The following EPB41L2 variants were observed in gnomAD, a reference collection of about 807,000 sequenced individuals.
EPB41L2 encodes the protein erythrocyte membrane protein band 4.1 like 2, also known as band 4.1-like protein 2.
A neutral mutation model predicts 113.0 loss-of-function variants in EPB41L2; 43 were observed. That is an observed-to-expected ratio of 0.38 (90% CI 0.30 to 0.49). The LOEUF (loss-of-function observed/expected upper bound fraction) is 0.49, where lower values mean the gene tolerates loss of function less well. Ranked by LOEUF, EPB41L2 falls within the 20% of genes least tolerant of loss-of-function variation. The probability of loss-of-function intolerance (pLI) is 0.95; values close to 1 mark genes in which losing one functional copy is unlikely to be tolerated. For synonymous variants in EPB41L2, 442 were observed against 436.7 expected (o/e 1.01, Z -0.15); for missense variants, 1,147 against 1,223.4 (o/e 0.94, Z 0.93).
At chr6:130,981,478 C>A (rs781155194) in intron 1 of EPB41L2, among the ~76,000 whole-genome samples, 1 of 152,184 alleles carries the variant, frequency 6.6e-6, no homozygotes, top group East Asian at 1.9e-4. Context: ...ACCACCATCA[C>A]CACCAGAACT....
chr6:130,901,703 T>G lies in EPB41L2; in HGVS notation c.930-523A>C, dbSNP rs188901793. Among the ~76,000 whole-genome samples the G allele has an allele frequency of 2.4e-3, 365 of 152,296 alleles. 2 individuals are homozygous for G. Among genetic ancestry groups the G allele is most frequent in the African/African-American group, 7.6e-3 (315 of 41,552 alleles). ...TACCCCATTTAAAGCAGTAGCTAGC[T>G]CAGTTTAGCAGAAAAGGCCTGGGCT... On this transcript the variant is annotated intron_variant, in intron 6 of 19. Coordinates refer to ENST00000337057, the MANE Select transcript of EPB41L2 (RefSeq NM_001431.4).
intron 1 of EPB41L2, 110 bp from the exon 2 acceptor site, chr6:130,956,609 G>T: frequency 1.1e-6 from 1 of 951,008 alleles, no homozygotes; most frequent in Non-Finnish European, 1.5e-6. Context: ...ACAGATGACA[G>T]GGAGAAAGCA....
At chr6:130,848,806 A>C (rs1204798431) in intron 19 of EPB41L2, among the ~76,000 whole-genome samples, 1 of 152,212 alleles carries the variant, frequency 6.6e-6, no homozygotes, top group East Asian at 1.9e-4. Flanking sequence ...CAAAATTTAC[A>C]TGTTTAAACA....
chr6:130,858,268 GC>G, intron 18 of EPB41L2, 25 bp from the exon 19 acceptor site: 2 of 1,586,008 alleles, frequency 1.3e-6, no homozygotes, highest in Non-Finnish European at 1.7e-6. Context: ...ACAGAGAACG[GC>G]TGTGAGCTGG....
intron 1 of EPB41L2, among the ~76,000 whole-genome samples, chr6:130,967,486 T>C (rs1188437649): frequency 6.6e-6 from 1 of 152,176 alleles, no homozygotes; most frequent in Non-Finnish European, 1.5e-5. Flanking sequence ...AAAAGATTAT[T>C]CGTATTCTCT....
chr6:131,016,203 T>C (rs1056800285), intron 1 of EPB41L2, among the ~76,000 whole-genome samples: 4 of 152,200 alleles, frequency 2.6e-5, no homozygotes, highest in African/African-American at 9.7e-5. Flanking sequence ...TTCCATTCAG[T>C]TATTTTCTGT....
intron 14 of EPB41L2, among the ~76,000 whole-genome samples, chr6:130,875,498 A>C (rs1787224804): frequency 6.6e-6 from 1 of 152,066 alleles, no homozygotes; most frequent in Non-Finnish European, 1.5e-5. Flanking sequence ...TTGGTCTTTC[A>C]GTTCCTGTGT....
intron 1 of EPB41L2, among the ~76,000 whole-genome samples, chr6:130,989,790 G>C (rs1222020902): frequency 6.6e-6 from 1 of 152,194 alleles, no homozygotes; most frequent in African/African-American, 2.4e-5. Flanking sequence ...AGTGTCAGTG[G>C]AACGAAGTGG....
At chr6:130,906,805 A>G (rs1354597718) in intron 5 of EPB41L2, among the ~76,000 whole-genome samples, 1 of 152,172 alleles carries the variant, frequency 6.6e-6, no homozygotes. Context: ...TTTAATACAG[A>G]AAGAAAGAGG....
chr6:130,985,599 A>G (rs1325183804), intron 1 of EPB41L2, among the ~76,000 whole-genome samples: 13 of 152,208 alleles, frequency 8.5e-5, no homozygotes, highest in Admixed American at 8.5e-4. Context: ...CAGCTTGCAA[A>G]GTGACCAGGA....
At chr6:130,914,025 A>G (rs1800203337) in intron 4 of EPB41L2, among the ~76,000 whole-genome samples, 1 of 152,206 alleles carries the variant, frequency 6.6e-6, no homozygotes, top group Non-Finnish European at 1.5e-5. Context: ...CTGTGGCCAC[A>G]TATATAAACC....
chr6:130,880,540 A>T (rs1788995340), intron 12 of EPB41L2: 1 of 610,248 alleles, frequency 1.6e-6, no homozygotes, highest in Non-Finnish European at 2.9e-6. Flanking sequence ...ATTAGTGGAA[A>T]CTCTACCATC....
At chr6:130,928,864 C>T (rs112995164) in intron 3 of EPB41L2, among the ~76,000 whole-genome samples, 2,487 of 152,296 alleles carry the variant, frequency 0.016, 24 homozygotes, top group Non-Finnish European at 0.025. Flanking sequence ...GTAATAGCTA[C>T]CTCAGAGCTC....
chr6:130,982,199 G>A (rs1396117991), intron 1 of EPB41L2, among the ~76,000 whole-genome samples: 1 of 151,656 alleles, frequency 6.6e-6, no homozygotes, highest in Non-Finnish European at 1.5e-5. Flanking sequence ...ATTTTGTGAT[G>A]CTTTCAATAC....
At chr6:131,006,989 C>T (rs1785718791) in intron 1 of EPB41L2, among the ~76,000 whole-genome samples, 1 of 152,194 alleles carries the variant, frequency 6.6e-6, no homozygotes, top group African/African-American at 2.4e-5. Context: ...CTCCCTACCT[C>T]CAACACACTC....
At chr6:131,058,784 G>C (rs1798091697) in intron 1 of EPB41L2, among the ~76,000 whole-genome samples, 1 of 152,210 alleles carries the variant, frequency 6.6e-6, no homozygotes, top group Non-Finnish European at 1.5e-5. Context: ...GGGAGGCCAA[G>C]TCGGGTGGAT....
chr6:130,876,698 T>C (rs1787674863), intron 14 of EPB41L2: 1 of 1,304,138 alleles, frequency 7.7e-7, no homozygotes, highest in African/African-American at 1.5e-5. Flanking sequence ...GAGCTTTTTC[T>C]TCAACTGTCC....
At chr6:130,907,817 G>A (rs1270084036) in intron 5 of EPB41L2, among the ~76,000 whole-genome samples, 1 of 152,032 alleles carries the variant, frequency 6.6e-6, no homozygotes, top group African/African-American at 2.4e-5. Context: ...GGACAGATTG[G>A]TTTCAGTATT....
At chr6:131,045,176 C>A (rs1795173180) in intron 1 of EPB41L2, among the ~76,000 whole-genome samples, 1 of 152,000 alleles carries the variant, frequency 6.6e-6, no homozygotes, top group Admixed American at 6.6e-5. Flanking sequence ...TCCCAGTAAC[C>A]CTTCATGGAC....
Sources: allele counts gnomAD v4.1 joint callset (sites outside exome capture counted in the v4.1 genomes callset), GRCh38; gene constraint gnomAD v4.1.1; transcripts MANE v1.5; gene names NCBI Gene and HGNC (gene_info 2026-07-23, HGNC 2026-07-21).